KLHL7: variants seen among roughly 807,000 people sequenced by gnomAD.
The protein encoded by KLHL7 is kelch-like protein 7.
A neutral mutation model predicts 67.4 loss-of-function variants in KLHL7; 44 were observed. The ratio of observed to expected loss-of-function variants is 0.65; its 90% CI spans 0.51 to 0.84. KLHL7 has a LOEUF of 0.84. Ranked by LOEUF, KLHL7 falls within the 40% of genes least tolerant of loss-of-function variation. The probability of loss-of-function intolerance (pLI) is 0.00; values close to 1 mark genes in which losing one functional copy is unlikely to be tolerated. For missense variants in KLHL7, 362 were observed against 718.1 expected (o/e 0.50, Z 5.67); for synonymous variants, 252 against 243.3 (o/e 1.04, Z -0.33).
intron 4 of KLHL7, among the ~76,000 whole-genome samples, chr7:23,133,556 C>T (rs1381876951): frequency 2.0e-5 from 3 of 152,060 alleles, no homozygotes; most frequent in South Asian, 2.1e-4. Flanking sequence ...CTCAGCCTCC[C>T]GAGTAGCTGG....
intron 6 of KLHL7, among the ~76,000 whole-genome samples, chr7:23,151,252 T>C (rs4365988): frequency 0.44 from 66,023 of 151,298 alleles, 16,282 homozygotes; most frequent in African/African-American, 0.68. Context: ...GAGTGAAATA[T>C]GAGGTAGGGG....
In KLHL7 at chr7:23,177,587, C is replaced by G. The variant is rs1209803733; in HGVS notation, c.*3289C>G. 1 of 152,018 alleles carries G rather than the reference C, an allele frequency of 6.6e-6. No homozygotes were observed. The allele number at this position is 152,018 out of a possible 1,614,324, so 9.4% of individuals were successfully genotyped here. On this transcript the variant is annotated 3_prime_UTR_variant, in exon 11 of 11. Coordinates refer to ENST00000339077, the MANE Select transcript of KLHL7 (RefSeq NM_001031710.3). ...CAAGCACATTTTCTATTTTGTTGCC[C>G]AAAACTCCCTGTCCTGTAAAGTGCT...
Position 23,152,006 on chromosome 7 carries a change from G to A in KLHL7, c.794-61G>A, listed in dbSNP as rs2178140. ...AGGCCCTATTATGTCTGGGTATTTC[G>A]TTTTCAAAGCACTGGTTAGTGCCTG... On this transcript the variant is annotated intron_variant, in intron 6 of 10. Coordinates refer to ENST00000339077, the MANE Select transcript of KLHL7 (RefSeq NM_001031710.3). The A allele has an allele frequency of 1.8e-4, 287 of 1,556,122 alleles. No individual in the cohort carries two copies. The African/African-American group carries it at 3.2e-3, about 17-fold the overall frequency.
intron 1 of KLHL7, among the ~76,000 whole-genome samples, chr7:23,114,577 G>T (rs1387351883): frequency 1.3e-5 from 2 of 152,088 alleles, no homozygotes; most frequent in African/African-American, 4.8e-5. Flanking sequence ...AGTTTGCCTT[G>T]TCTTTTGGTC....
intron 5 of KLHL7, among the ~76,000 whole-genome samples, 183 bp downstream of exon 5, chr7:23,141,127 C>T (rs1301702450): frequency 1.3e-5 from 2 of 152,186 alleles, no homozygotes; most frequent in Non-Finnish European, 2.9e-5. Context: ...TAGGCCACTT[C>T]ATAGAGATAA....
Position 23,123,819 on chromosome 7 carries a change from A to ATACC in KLHL7, c.165_168dup (p.Ala57ThrfsTer15). On this transcript the variant is annotated frameshift_variant, in exon 2 of 11. Coordinates refer to ENST00000339077, the MANE Select transcript of KLHL7 (RefSeq NM_001031710.3). LOFTEE classifies it high-confidence loss of function. ...GATCCTCATGGTCCAGGAAAGAAAG[A>ATACC]TACCTGCTCATCGTGTTGTTCTTGC... 6.2e-7 allele frequency: 1 copy of ATACC among 1,613,870 alleles called. No individual in the cohort carries two copies.
At chr7:23,138,474 A>G (rs1046311188) in intron 4 of KLHL7, among the ~76,000 whole-genome samples, 15 of 150,154 alleles carry the variant, frequency 1.0e-4, no homozygotes, top group Non-Finnish European at 1.6e-4. Context: ...AAAAAAAAAA[A>G]AAAAAAAAAA....
intron 7 of KLHL7, among the ~76,000 whole-genome samples, chr7:23,155,467 A>G (rs1247290025): frequency 6.6e-6 from 1 of 152,190 alleles, no homozygotes; most frequent in African/African-American, 2.4e-5. Context: ...GTTTGAGACC[A>G]GCCTGGGCAA....
At position 23,146,991 on chromosome 7, in the gene KLHL7, T is replaced by G. The variant is rs1562577511; in HGVS notation, c.793+2966T>G. Among the ~76,000 whole-genome samples the G allele has an allele frequency of 2.1e-5, 3 of 141,946 alleles. No homozygotes were observed. In the Admixed American group the frequency reaches 2.2e-4, roughly 10 times the overall value. The allele number at this position is 141,946 out of a possible 152,430, so 93.1% of individuals were successfully genotyped here. ...CTCTGGAGAATTTGTAATTTTCTTA[T>G]GAGTAATTTTCTTATGAGTAATTTT... On this transcript the variant is annotated intron_variant, in intron 6 of 10. Coordinates refer to ENST00000339077, the MANE Select transcript of KLHL7 (RefSeq NM_001031710.3).
intron 4 of KLHL7, among the ~76,000 whole-genome samples, chr7:23,137,572 A>G (rs1371711813): frequency 1.3e-5 from 2 of 150,198 alleles, no homozygotes; most frequent in African/African-American, 4.9e-5. Context: ...TCCGCCTCCC[A>G]GGCTCAAGTG....
At chr7:23,154,613 T>C (rs1484299000) in intron 7 of KLHL7, among the ~76,000 whole-genome samples, 1 of 152,196 alleles carries the variant, frequency 6.6e-6, no homozygotes, top group Non-Finnish European at 1.5e-5. Flanking sequence ...GAGACCAGTA[T>C]GTGACCTTGG....
intron 5 of KLHL7, among the ~76,000 whole-genome samples, chr7:23,141,779 T>C (rs920189902): frequency 1.3e-5 from 2 of 151,338 alleles, no homozygotes; most frequent in African/African-American, 2.4e-5. Context: ...CCCGCCACCG[T>C]GCCCGGCTAA....
Position 23,174,127 on chromosome 7 carries a change from TTA to T in KLHL7, c.1592_1593del (p.Tyr531CysfsTer18). On this transcript the variant is annotated frameshift_variant, in exon 11 of 11. Coordinates refer to ENST00000339077, the MANE Select transcript of KLHL7 (RefSeq NM_001031710.3). LOFTEE classifies it high-confidence loss of function. The part of the protein sequence containing the change: ...VKCAAVGSIV[Y>X]VLAGFQGVGR... ...AATGTGCAGCAGTTGGCTCTATAGT[TTA>T]TGTCTTGGCTGGTTTTCAGGGTGTT... 6.2e-7 allele frequency: 1 copy of T among 1,614,182 alleles called. No homozygotes were observed. Among genetic ancestry groups the T allele is most frequent in the Non-Finnish European group, 8.5e-7 (1 of 1,180,010 alleles).
intron 8 of KLHL7, among the ~76,000 whole-genome samples, chr7:23,167,574 C>A (rs1785035807): frequency 6.6e-6 from 1 of 152,114 alleles, no homozygotes; most frequent in African/African-American, 2.4e-5. Context: ...CTTTTGAAAT[C>A]AAATTTATTT....
rs1325145238 is a variant in KLHL7 at position 23,174,124 on chromosome 7, A to G, written c.1587A>G (p.Ile529Met). ...TGAAATGTGCAGCAGTTGGCTCTAT[A>G]GTTTATGTCTTGGCTGGTTTTCAGG... ...VTVKCAAVGSIVYVLAGFQGV... is the reference protein window; with the variant it reads ...VTVKCAAVGSMVYVLAGFQGV... Residue 529 changes from isoleucine (I) to methionine (M), a missense_variant, in exon 11 of 11, where the codon ATA becomes ATG. Ile to Met is a conservative substitution (Grantham distance 10, BLOSUM62 1). Around this residue, in one of 5 missense-constraint regions of KLHL7, gnomAD observed 136 missense variants for 252.7 expected, o/e 0.54. Transcript: ENST00000339077. 1 of 1,614,080 alleles carries G rather than the reference A, an allele frequency of 6.2e-7. No individual in the cohort carries two copies. Among genetic ancestry groups the G allele is most frequent in the African/African-American group, 1.3e-5 (1 of 74,934 alleles).
chr7:23,171,338 A>G (rs1435451404), intron 9 of KLHL7: 1 of 160,138 alleles, frequency 6.2e-6, no homozygotes, highest in African/African-American at 2.4e-5. Context: ...CTGTCTTTTT[A>G]TATCATTAAC....
intron 1 of KLHL7, among the ~76,000 whole-genome samples, chr7:23,108,604 A>T (rs1327069621): frequency 6.6e-6 from 1 of 152,156 alleles, no homozygotes; most frequent in African/African-American, 2.4e-5. Context: ...GTAACCATCG[A>T]AGTTAGAGCA....
intron 7 of KLHL7, among the ~76,000 whole-genome samples, chr7:23,153,318 A>G (rs1433018643): frequency 6.6e-6 from 1 of 152,186 alleles, no homozygotes; most frequent in African/African-American, 2.4e-5. Context: ...CTGATATATT[A>G]GTGACACCCC....
rs1280455900 is a variant in KLHL7 at position 23,175,418 on chromosome 7, A to C, written c.*1120A>C. On this transcript the variant is annotated 3_prime_UTR_variant, in exon 11 of 11. Coordinates refer to ENST00000339077, the MANE Select transcript of KLHL7 (RefSeq NM_001031710.3). Reference sequence around the variant, plus strand: ...GATAATATTAAATATTTTTTAACTTAAAATAGGCCACTCAGTTTGTTCTTC... The same window carrying C: ...GATAATATTAAATATTTTTTAACTTCAAATAGGCCACTCAGTTTGTTCTTC... 2.3e-6 allele frequency: 1 copy of C among 433,390 alleles called. No homozygotes were observed. Among genetic ancestry groups the C allele is most frequent in the Non-Finnish European group, 4.5e-6 (1 of 220,698 alleles). 26.8% of individuals were successfully genotyped at this position (433,390 alleles called of 1,614,324 possible).
Sources: allele counts gnomAD v4.1 joint callset (sites outside exome capture counted in the v4.1 genomes callset), GRCh38; gene constraint gnomAD v4.1.1; regional missense constraint gnomAD v4.1.1; transcripts MANE v1.5; gene names NCBI Gene and HGNC (gene_info 2026-07-23, HGNC 2026-07-21).